SULT2A1: variants seen among roughly 807,000 people sequenced by gnomAD.
SULT2A1 encodes the protein sulfotransferase family 2A member 1, also known as sulfotransferase 2A1.
A neutral mutation model predicts 33.9 loss-of-function variants in SULT2A1; 43 were observed. The ratio of observed to expected loss-of-function variants is 1.27; its 90% CI spans 1.00 to 1.64. The LOEUF (loss-of-function observed/expected upper bound fraction) is 1.64, where lower values mean the gene tolerates loss of function less well. Among genes scored for constraint, SULT2A1 ranks in the 40% most tolerant of loss-of-function variants. The probability of loss-of-function intolerance (pLI) is 0.00; values close to 1 mark genes in which losing one functional copy is unlikely to be tolerated. For missense variants in SULT2A1, 300 were observed against 335.1 expected, an observed-to-expected ratio of 0.90 and a Z score of 0.82; for synonymous variants, 125 against 113.6, an observed-to-expected ratio of 1.10 and a Z score of -0.64.
intron 3 of SULT2A1, among the ~76,000 whole-genome samples, chr19:47,881,637 A>G (rs1441631574): frequency 6.6e-6 from 1 of 152,104 alleles, no homozygotes; most frequent in Admixed American, 6.6e-5. Context: ...AAAGCCCAGG[A>G]ATTCTGCATA....
At chr19:47,874,145 C>T (rs181564663) in intron 5 of SULT2A1, among the ~76,000 whole-genome samples, 17 of 152,226 alleles carry the variant, frequency 1.1e-4, no homozygotes, top group East Asian at 3.9e-4. Flanking sequence ...CCTTCCCGGG[C>T]GGAACCAATT....
intron 5 of SULT2A1, among the ~76,000 whole-genome samples, chr19:47,872,459 A>C (rs916287090): frequency 3.3e-5 from 5 of 152,174 alleles, no homozygotes; most frequent in African/African-American, 1.2e-4. Context: ...TTCTGCCTCA[A>C]ACGTGGCAGG....
chr19:47,884,508 T>TC (rs914933287), intron 1 of SULT2A1, among the ~76,000 whole-genome samples: 10 of 137,846 alleles, frequency 7.3e-5, no homozygotes, highest in Admixed American at 3.1e-4. Flanking sequence ...CGATGAGGTC[T>TC]CCCTCTGTAG....
intron 4 of SULT2A1, among the ~76,000 whole-genome samples, chr19:47,876,768 T>TAAAAAA (rs34642376): frequency 3.5e-5 from 3 of 85,566 alleles, no homozygotes; most frequent in African/African-American, 9.4e-5. Context: ...AGACTCTGTC[T>TAAAAAA]AAAAAAAAAA....
At chr19:47,881,117 C>T (rs1196175655) in intron 3 of SULT2A1, among the ~76,000 whole-genome samples, 1 of 152,030 alleles carries the variant, frequency 6.6e-6, no homozygotes, top group Non-Finnish European at 1.5e-5. Context: ...CTCACTGCCA[C>T]CTCTACCTCC....
chr19:47,881,860 A>T (rs1317447094), intron 3 of SULT2A1, among the ~76,000 whole-genome samples: 1 of 152,042 alleles, frequency 6.6e-6, no homozygotes, highest in Non-Finnish European at 1.5e-5. Context: ...TGGAGGCTCT[A>T]GAGACTTAGA....
At chr19:47,873,537 G>A (rs1337874522) in intron 5 of SULT2A1, among the ~76,000 whole-genome samples, 1 of 151,016 alleles carries the variant, frequency 6.6e-6, no homozygotes. Flanking sequence ...CTTACAGCGT[G>A]TGATAGCAAA....
intron 2 of SULT2A1, 40 bp from the exon 3 acceptor site, chr19:47,882,250 C>A (rs777529499): frequency 1.9e-6 from 3 of 1,595,090 alleles, no homozygotes; most frequent in South Asian, 2.3e-5. Flanking sequence ...TCAATACAGT[C>A]AATCCTCACT....
chr19:47,874,494 C>A (rs1018215916), intron 5 of SULT2A1, among the ~76,000 whole-genome samples, 163 bp downstream of exon 5: 1 of 144,060 alleles, frequency 6.9e-6, no homozygotes, highest in African/African-American at 2.6e-5. Flanking sequence ...GAGCTGAGAT[C>A]GCACCACTGC....
In SULT2A1 at chr19:47,886,305, C is replaced by A. The variant is rs370987119; in HGVS notation, c.-48G>T. The A allele has an allele frequency of 2.5e-6, 4 of 1,601,836 alleles. No homozygotes were observed. Among genetic ancestry groups the A allele is most frequent in the Admixed American group, 3.4e-5 (2 of 58,534 alleles). On this transcript the variant is annotated 5_prime_UTR_variant, in exon 1 of 6. Transcript: ENST00000222002. The stretch of plus-strand genomic sequence containing the variant: ...GTGTGAGGGTTTCAACTGTAGCCAC[C>A]GCTGGAGGCTGTGGCAGCTACAGGC...
At chr19:47,879,187 A>G (rs1968578426) in intron 3 of SULT2A1, 57 bp from the exon 4 acceptor site, 3 of 1,011,808 alleles carry the variant, frequency 3.0e-6, no homozygotes, top group Non-Finnish European at 4.7e-6. Context: ...GCAGGCATCC[A>G]GTCTATTATG....
chr19:47,883,365 G>T (rs1481744846), intron 2 of SULT2A1, among the ~76,000 whole-genome samples: 1 of 152,024 alleles, frequency 6.6e-6, no homozygotes, highest in African/African-American at 2.4e-5. Context: ...GTTTAAATCT[G>T]GCTGGGGTAA....
chr19:47,872,429 A>G (rs1294139934), intron 5 of SULT2A1, among the ~76,000 whole-genome samples: 4 of 151,988 alleles, frequency 2.6e-5, no homozygotes, highest in African/African-American at 4.8e-5. Flanking sequence ...CCGTCACTCT[A>G]CTCACACGGG....
chr19:47,877,872 G>T (rs1036415360), intron 4 of SULT2A1, among the ~76,000 whole-genome samples: 1 of 152,088 alleles, frequency 6.6e-6, no homozygotes, highest in Non-Finnish European at 1.5e-5. Context: ...TTCAATACTT[G>T]CTGGTTCTGA....
In SULT2A1 at chr19:47,882,167, C is replaced by G. The variant is rs747295631; in HGVS notation, c.389G>C (p.Gly130Ala). The G allele has an allele frequency of 2.5e-6, 4 of 1,613,758 alleles. No individual in the cohort carries two copies. Among genetic ancestry groups the G allele is most frequent in the Non-Finnish European group, 3.4e-6 (4 of 1,179,950 alleles). The change falls in exon 3 of 6, where the codon GGT becomes GCT. Residue 130 changes from glycine (G) to alanine (A), a missense_variant. Physicochemically the swap from Gly to Ala is moderately conservative, Grantham distance 60. Transcript: ENST00000222002. ...MRNPRDVLVS[G>A]YFFWKNMKFI... ...CTTCATGTTTTTCCAGAAAAAATAA[C>G]CAGACACCAAAACATCTCTGGGATT...
intron 4 of SULT2A1, 151 bp from the exon 5 acceptor site, chr19:47,874,985 A>C (rs1341542108): frequency 1.6e-6 from 1 of 635,132 alleles, no homozygotes; most frequent in Non-Finnish European, 2.7e-6. Context: ...AACGTGGTGA[A>C]ACCCCATCTC....
intron 3 of SULT2A1, 94 bp downstream of exon 3, chr19:47,881,990 C>T (rs1443732392): frequency 6.5e-7 from 1 of 1,546,112 alleles, no homozygotes. Context: ...GCCTTTCAAC[C>T]CATGGGTTGG....
At position 47,871,514 on chromosome 19, in the gene SULT2A1, C is replaced by G; in HGVS notation, c.799G>C (p.Asp267His). 4.3e-6 allele frequency: 7 copies of G among 1,614,082 alleles called. No homozygotes were observed. Among genetic ancestry groups the G allele is most frequent in the Non-Finnish European group, 5.9e-6 (7 of 1,180,032 alleles). Residue 267 changes from aspartate (D) to histidine (H), a missense_variant, in exon 6 of 6, where the codon GAT becomes CAT. Physicochemically the swap from Asp to His is moderately conservative, Grantham distance 81 (BLOSUM62 -1). Transcript: ENST00000222002. ...HFTVAQAEDF[D>H]KLFQEKMADL... ...GCCATCTTCTCTTGGAACAATTTAT[C>G]AAAGTCTTCAGCTTGGGCCACTGTG... is the stretch of plus-strand genomic sequence containing the variant.
At chr19:47,885,387 G>C (rs1968646533) in intron 1 of SULT2A1, among the ~76,000 whole-genome samples, 1 of 152,068 alleles carries the variant, frequency 6.6e-6, no homozygotes, top group Non-Finnish European at 1.5e-5. Flanking sequence ...TAATGTCCTT[G>C]ATGTTTATCT....
Sources: allele counts gnomAD v4.1 joint callset (sites outside exome capture counted in the v4.1 genomes callset), GRCh38; gene constraint gnomAD v4.1.1; transcripts MANE v1.5; gene names NCBI Gene and HGNC (gene_info 2026-07-23, HGNC 2026-07-21).